The following MAX variants were observed in gnomAD, a reference collection of about 807,000 sequenced individuals.
The protein encoded by MAX is MYC associated transcriptional regulator X.
A neutral mutation model predicts 22.3 loss-of-function variants in MAX; 3 were observed. The ratio of observed to expected loss-of-function variants is 0.13; its 90% CI spans 0.06 to 0.35. The LOEUF (loss-of-function observed/expected upper bound fraction) is 0.35. MAX is among the 10% of genes least tolerant of loss of function. The pLI, the probability that MAX is intolerant of heterozygous loss-of-function variation, is 1.00. For synonymous variants in MAX, 72 were observed against 77.7 expected (o/e 0.93, Z 0.39); for missense variants, 119 against 209.4 (o/e 0.57, Z 2.66).
chr14:65,060,457 G>A lies in MAX; in HGVS notation c.171+33251C>T, dbSNP rs2062836367. On this transcript the variant is annotated intron_variant, in intron 3 of 3. Transcript: ENST00000341653. ...TACAAAAATAATCCCAGCACTTTGG[G>A]AGGCCGAGGCGGGCGGATCACGAGG... Among the ~76,000 whole-genome samples, 2 of 101,684 alleles carry A rather than the reference G, an allele frequency of 2.0e-5. 1 individual carries two copies. The highest frequency in any genetic ancestry group is 3.4e-5 in the Non-Finnish European group (2 of 58,512). 66.7% of individuals were successfully genotyped at this position (101,684 alleles called of 152,430 possible).
At chr14:65,097,814 T>C (rs2063712944) in intron 2 of MAX, among the ~76,000 whole-genome samples, 1 of 152,114 alleles carries the variant, frequency 6.6e-6, no homozygotes, top group South Asian at 2.1e-4. Flanking sequence ...AATTATAACA[T>C]AAAATAATAG....
chr14:65,027,292 GC>G lies in MAX; in HGVS notation c.172-21009del. The G allele has an allele frequency of 1.7e-5, 19 of 1,093,142 alleles. No homozygotes were observed. Among genetic ancestry groups the G allele is most frequent in the Non-Finnish European group, 2.5e-5 (19 of 767,620 alleles). 67.7% of individuals were successfully genotyped at this position (1,093,142 alleles called of 1,614,324 possible). A position where few individuals can be genotyped will look rare whatever the true frequency, so the allele number is the denominator to read the frequency against. On this transcript the variant is annotated intron_variant, in intron 3 of 3. Transcript: ENST00000341653. This position sits in a 1 kb window ranked among gnomAD's most constrained non-coding sequence, Gnocchi z 5.7. ...TGATGATAGCTGGAGAGAGAATTAA[GC>G]CCTTTGGGGAGAGGTTATATTCAAC... is the stretch of plus-strand genomic sequence containing the variant.
At position 65,093,589 on chromosome 14, in the gene MAX, C is replaced by T; in HGVS notation, c.171+119G>A. On this transcript the variant is annotated intron_variant, in intron 3 of 4. Coordinates refer to ENST00000358664, the MANE Select transcript of MAX (RefSeq NM_002382.5). The surrounding 1 kb of genome is among the most constrained non-coding windows in gnomAD (Gnocchi z 4.4). Reference sequence around the variant, plus strand: ...CTCCAAACAGTCAAAAATAAGGCAACCATGCTACCTGAATATCTCTGACTA... The same window carrying T: ...CTCCAAACAGTCAAAAATAAGGCAATCATGCTACCTGAATATCTCTGACTA... 1.4e-6 allele frequency: 1 copy of T among 722,636 alleles called. No homozygotes were observed. The highest frequency in any genetic ancestry group is 2.6e-5 in the East Asian group (1 of 38,262). 44.8% of individuals were successfully genotyped at this position (722,636 alleles called of 1,614,324 possible). A position where few individuals can be genotyped will look rare whatever the true frequency, so the allele number is the denominator to read the frequency against.
chr14:65,047,148 A>G lies in MAX; in HGVS notation c.172-40864T>C, dbSNP rs1213426849. 6.6e-6 allele frequency among the ~76,000 whole-genome samples: 1 copy of G among 152,220 alleles called. No homozygotes were observed. Among genetic ancestry groups the G allele is most frequent in the African/African-American group, 2.4e-5 (1 of 41,464 alleles). ...TTTTTCTACTACAACTGCCACTACT[A>G]CTGGTAGCGGAGTCTTCCCAAGCCC... is the stretch of plus-strand genomic sequence containing the variant. On this transcript the variant is annotated intron_variant, in intron 3 of 3. Coordinates refer to the MAX transcript ENST00000341653. This position sits in a 1 kb window ranked among gnomAD's most constrained non-coding sequence, Gnocchi z 5.2.
At position 65,075,223 on chromosome 14, in the gene MAX, T is replaced by C; in HGVS notation, c.*1253A>G. The C allele has an allele frequency of 9.5e-7, 1 of 1,053,344 alleles. No homozygotes were observed. The highest frequency in any genetic ancestry group is 1.1e-6 in the Non-Finnish European group (1 of 871,694). 65.2% of individuals were successfully genotyped at this position (1,053,344 alleles called of 1,614,324 possible). ...GGCAGTATGTACAACATACTTTTTATTTCCATGGAATGGAATCAAACACGA... is the reference window on the plus strand; with the variant it reads ...GGCAGTATGTACAACATACTTTTTACTTCCATGGAATGGAATCAAACACGA... On this transcript the variant is annotated 3_prime_UTR_variant, in exon 5 of 5. Transcript: ENST00000358664. This position sits in a 1 kb window ranked among gnomAD's most constrained non-coding sequence, Gnocchi z 4.1.
chr14:65,089,459 A>C (rs922388132), intron 3 of MAX, among the ~76,000 whole-genome samples: 7 of 152,154 alleles, frequency 4.6e-5, no homozygotes, highest in Non-Finnish European at 1.0e-4. Flanking sequence ...GAGAGACTTA[A>C]AAGATGAGAA....
chr14:65,024,103 T>TTA (rs2061937057), intron 3 of MAX, among the ~76,000 whole-genome samples: 1 of 129,722 alleles, frequency 7.7e-6, no homozygotes, highest in African/African-American at 2.9e-5. Context: ...CTCCATCTCC[T>TTA]AAAAAAAAAA....
At chr14:65,041,047 A>G in intron 3 of MAX, 1 of 1,432,550 alleles carries the variant, frequency 7.0e-7, no homozygotes, top group Non-Finnish European at 9.3e-7. Context: ...GTTCCAACAC[A>G]GAGGAAGGAG....
intron 3 of MAX, among the ~76,000 whole-genome samples, chr14:65,024,437 C>T (rs2061943743): frequency 6.6e-6 from 1 of 152,136 alleles, no homozygotes; most frequent in Non-Finnish European, 1.5e-5. Context: ...AATACAAAGG[C>T]CCAGGATCTT....
rs1467279618 is a variant in MAX at position 65,007,868 on chromosome 14, TC to T, written c.172-1585del. Among the ~76,000 whole-genome samples the T allele has an allele frequency of 6.6e-6, 1 of 152,164 alleles. No homozygotes were observed. The highest frequency in any genetic ancestry group is 1.5e-5 in the Non-Finnish European group (1 of 68,036). On this transcript the variant is annotated intron_variant, in intron 3 of 3. Coordinates refer to the MAX transcript ENST00000341653. This position sits in a 1 kb window ranked among gnomAD's most constrained non-coding sequence, Gnocchi z 4.9. ...TTCTCCTGGGCAAGGAGACGGGTGC[TC>T]CTCAGAAGTGAGAAATATTGATAAT...
chr14:65,011,431 G>GA lies in MAX; in HGVS notation c.172-5148dup, dbSNP rs767329195. On this transcript the variant is annotated intron_variant, in intron 3 of 3. Coordinates refer to the MAX transcript ENST00000341653. This position sits in a 1 kb window ranked among gnomAD's most constrained non-coding sequence, Gnocchi z 4.0. ...GTGACAGAGCGAGACTCCGTCTCAG[G>GA]AAAAAAAAAAAAAAAAAAAAAGACT... 0.17 allele frequency among the ~76,000 whole-genome samples: 13,494 copies of GA among 79,878 alleles called. 1,253 individuals carry two copies. Among genetic ancestry groups the GA allele is most frequent in the East Asian group, 0.3 (960 of 3,156 alleles). 52.4% of individuals were successfully genotyped at this position (79,878 alleles called of 152,430 possible).
At chr14:65,090,442 G>A (rs151012943) in intron 3 of MAX, 1 of 152,172 alleles carries the variant, frequency 6.6e-6, no homozygotes, top group African/African-American at 2.4e-5. Flanking sequence ...ACTGCTGTGT[G>A]GATTTAATTT....
intron 3 of MAX, among the ~76,000 whole-genome samples, chr14:65,008,406 G>GA (rs1331095288): frequency 6.6e-6 from 1 of 152,246 alleles, no homozygotes; most frequent in Non-Finnish European, 1.5e-5. Context: ...TGGGCTCAGG[G>GA]AAGCCAGAGT....
chr14:65,032,812 A>T lies in MAX; in HGVS notation c.172-26528T>A. 2 of 950,568 alleles carry T rather than the reference A, an allele frequency of 2.1e-6. No individual in the cohort carries two copies. Among genetic ancestry groups the T allele is most frequent in the African/African-American group, 1.7e-5 (1 of 59,352 alleles). The allele number at this position is 950,568 out of a possible 1,614,324, so 58.9% of individuals were successfully genotyped here. On this transcript the variant is annotated intron_variant, in intron 3 of 3. Transcript: ENST00000341653. The surrounding 1 kb of genome is among the most constrained non-coding windows in gnomAD (Gnocchi z 5.0). ...GAAGGAAATACAAAAATCACAGGAG[A>T]TCCATTAGGGTTATCTAATGATTTT...
Position 65,075,322 on chromosome 14 carries a change from G to GC in MAX, c.*1153dup. ...AGTAGGAAAAAGACAAAGAAATGAGGCCTAAACACACAAAACCCTTCACTG... is the reference window on the plus strand; with the variant it reads ...AGTAGGAAAAAGACAAAGAAATGAGGCCCTAAACACACAAAACCCTTCACTG... On this transcript the variant is annotated 3_prime_UTR_variant, in exon 5 of 5. Transcript: ENST00000358664. This position sits in a 1 kb window ranked among gnomAD's most constrained non-coding sequence, Gnocchi z 4.1. 4 of 1,062,486 alleles carry GC rather than the reference G, an allele frequency of 3.8e-6. No homozygotes were observed. Among genetic ancestry groups the GC allele is most frequent in the Non-Finnish European group, 4.6e-6 (4 of 877,280 alleles). The allele number at this position is 1,062,486 out of a possible 1,614,324, so 65.8% of individuals were successfully genotyped here.
In MAX at chr14:65,023,700, T is replaced by C. The variant is rs1331182407; in HGVS notation, c.172-17416A>G. Among the ~76,000 whole-genome samples the C allele has an allele frequency of 6.6e-6, 1 of 152,212 alleles. No individual in the cohort carries two copies. Among genetic ancestry groups the C allele is most frequent in the Non-Finnish European group, 1.5e-5 (1 of 68,032 alleles). ...TAATTAATTGAGAATTTAAATTGCC[T>C]CATGTGGCTAGTGGCTGCCTATTGG... On this transcript the variant is annotated intron_variant, in intron 3 of 3. Coordinates refer to the MAX transcript ENST00000341653. This position sits in a 1 kb window ranked among gnomAD's most constrained non-coding sequence, Gnocchi z 4.1.
At chr14:65,098,177 C>A (rs937943950) in intron 2 of MAX, among the ~76,000 whole-genome samples, 13 of 152,202 alleles carry the variant, frequency 8.5e-5, no homozygotes, top group African/African-American at 7.2e-5. Flanking sequence ...CATTTAGGAA[C>A]TAACTCTGGC....
chr14:65,055,785 A>G (rs1056553671), intron 3 of MAX, among the ~76,000 whole-genome samples: 9 of 152,204 alleles, frequency 5.9e-5, no homozygotes, highest in Admixed American at 5.2e-4. Context: ...CCAAGGTGCC[A>G]GGATTACATG....
chr14:65,059,583 G>C (rs1304061703), intron 3 of MAX, among the ~76,000 whole-genome samples: 1 of 152,004 alleles, frequency 6.6e-6, no homozygotes, highest in Admixed American at 6.6e-5. Context: ...GTTTCAGCAT[G>C]AGGTTGCTCC....
Sources: gnomAD v4.1 joint callset for allele counts (sites outside exome capture counted in the v4.1 genomes callset) on GRCh38, gnomAD v4.1.1 for gene constraint, Gnocchi (gnomAD v3.1) non-coding constraint, MANE v1.5 for transcripts, NCBI Gene and HGNC (gene_info 2026-07-23, HGNC 2026-07-21) for gene names.